The following CACNA1H variants were observed in gnomAD, a reference collection of about 807,000 sequenced individuals.
The protein encoded by CACNA1H is calcium voltage-gated channel subunit alpha1 H.
Under a neutral mutation model 192.5 loss-of-function variants are expected in CACNA1H, and 149 were observed. The observed-to-expected ratio is 0.77, with a 90% confidence interval of 0.68 to 0.89. CACNA1H has a LOEUF of 0.89. CACNA1H is among the 40% of genes least tolerant of loss of function. The pLI, the probability that CACNA1H is intolerant of heterozygous loss-of-function variation, is 0.00. For missense variants in CACNA1H, 4,257 were observed against 3,423.5 expected, an observed-to-expected ratio of 1.24 and a Z score of -6.08; for synonymous variants, 2,202 against 1,475.2, an observed-to-expected ratio of 1.49 and a Z score of -11.29.
At chr16:1,208,963 T>G in intron 16 of CACNA1H, 69 bp from the exon 17 acceptor site, 1 of 1,366,424 alleles carries the variant, frequency 7.3e-7, no homozygotes, top group Non-Finnish European at 9.5e-7. Context: ...ACACAGTGGG[T>G]GCTCCGTAAT....
chr16:1,180,100 C>A lies in CACNA1H; in HGVS notation c.300-14872C>A, dbSNP rs982314670. Among the ~76,000 whole-genome samples the A allele has an allele frequency of 2.0e-5, 3 of 152,196 alleles. No homozygotes were observed. The highest frequency in any genetic ancestry group is 4.8e-5 in the African/African-American group (2 of 41,450). On this transcript the variant is annotated intron_variant, in intron 2 of 34. Coordinates refer to ENST00000348261, the MANE Select transcript of CACNA1H (RefSeq NM_021098.3). This position sits in a 1 kb window ranked among gnomAD's most constrained non-coding sequence, Gnocchi z 4.4. ...CTGAGGGGGCCGGGCTCTGCAGGCA[C>A]AGGGCTGAGGGGCGTCGTGTGGATG...
chr16:1,189,974 T>C (rs893828527), intron 2 of CACNA1H, among the ~76,000 whole-genome samples: 9 of 152,220 alleles, frequency 5.9e-5, no homozygotes, highest in Admixed American at 1.3e-4. Flanking sequence ...CCCCACAACC[T>C]TGGTCTGTCA....
At chr16:1,191,279 A>C (rs62012321) in intron 2 of CACNA1H, among the ~76,000 whole-genome samples, 27 of 89,358 alleles carry the variant, frequency 3.0e-4, no homozygotes, top group African/African-American at 1.7e-3. Context: ...GTGTGGCCTC[A>C]GGCACACTCG....
chr16:1,214,844 G>C, intron 27 of CACNA1H, 128 bp from the exon 28 acceptor site: 1 of 660,164 alleles, frequency 1.5e-6, no homozygotes, highest in South Asian at 1.7e-5. Flanking sequence ...GCCCAGGGAG[G>C]AGCTACTGAG....
chr16:1,171,997 C>A (rs1964413926), intron 2 of CACNA1H, among the ~76,000 whole-genome samples: 1 of 152,216 alleles, frequency 6.6e-6, no homozygotes, highest in Non-Finnish European at 1.5e-5. Flanking sequence ...CGCGTGGGCC[C>A]CCCGCCAGGT....
Position 1,204,046 on chromosome 16 carries a change from G to T in CACNA1H, c.2039G>T (p.Ser680Ile). Residue 680 changes from serine to isoleucine, a missense_variant, in exon 10 of 35, where the codon AGT becomes ATT. Transcript: ENST00000348261. The stretch of plus-strand genomic sequence containing the variant: ...GCCCCTGGCCATCTGTCGGGCCTCA[G>T]TGTGCCCTGCCCCCTGCCCAGCCCC... ...GQAPGHLSGL[S>I]VPCPLPSPPA... The T allele has an allele frequency of 6.3e-7, 1 of 1,583,662 alleles. No individual in the cohort carries two copies. Among genetic ancestry groups the T allele is most frequent in the Non-Finnish European group, 8.6e-7 (1 of 1,165,862 alleles).
intron 2 of CACNA1H, among the ~76,000 whole-genome samples, chr16:1,174,830 C>T (rs1285817294): frequency 6.6e-6 from 1 of 152,202 alleles, no homozygotes; most frequent in Non-Finnish European, 1.5e-5. Context: ...GTTGGCGTGG[C>T]CCTGGCCTCG....
chr16:1,163,721 C>T (rs1025672859), intron 2 of CACNA1H, among the ~76,000 whole-genome samples: 14 of 152,224 alleles, frequency 9.2e-5, no homozygotes, highest in Non-Finnish European at 2.9e-5. Flanking sequence ...GCTTAGGGTA[C>T]TGCCTTGGCT....
rs200832286 is a variant in CACNA1H, at chr16:1,208,220, C to G, written c.3362C>G (p.Pro1121Arg). ...CCGCCACTGGGAGACCAGAAGCCTC[C>G]GGTAGGGACCATCTCCTGCCCCAGC... ...GDPPLGDQKPPASLRSSPCAP... is the reference protein window; with the variant it reads ...GDPPLGDQKPRASLRSSPCAP... Residue 1121 changes from proline to arginine, a missense_variant and splice_region_variant, in exon 16 of 35, where the codon CCG (proline) becomes CGG (arginine). Physicochemically the swap from Pro to Arg is moderately radical, Grantham distance 103. Coordinates refer to ENST00000348261, the MANE Select transcript of CACNA1H (RefSeq NM_021098.3). 7.7e-6 allele frequency: 12 copies of G among 1,555,510 alleles called. No homozygotes were observed. The highest frequency in any genetic ancestry group is 1.0e-5 in the Non-Finnish European group (12 of 1,152,572).
chr16:1,201,099 G>T (rs1315907974), intron 8 of CACNA1H, among the ~76,000 whole-genome samples: 1 of 152,150 alleles, frequency 6.6e-6, no homozygotes, highest in Non-Finnish European at 1.5e-5. Context: ...GGGCGTGTGT[G>T]GCCCCAGGTG....
chr16:1,162,415 C>T (rs970993915), intron 2 of CACNA1H, among the ~76,000 whole-genome samples: 2 of 152,194 alleles, frequency 1.3e-5, no homozygotes, highest in Non-Finnish European at 2.9e-5. Context: ...GCAGGAGGTG[C>T]TTGACGCAGT....
chr16:1,156,818 G>A (rs1308837507), intron 2 of CACNA1H, among the ~76,000 whole-genome samples: 2 of 152,132 alleles, frequency 1.3e-5, no homozygotes, highest in East Asian at 1.9e-4. Flanking sequence ...GTTTATCCCT[G>A]AACCTCTCCT....
In CACNA1H at chr16:1,206,138, T is replaced by A; in HGVS notation, c.2638T>A (p.Leu880Met). 6.3e-7 allele frequency: 1 copy of A among 1,586,286 alleles called. No individual in the cohort carries two copies. Among genetic ancestry groups the A allele is most frequent in the South Asian group, 1.2e-5 (1 of 86,500 alleles). Residue 880 changes from leucine (L) to methionine (M), a missense_variant, in exon 12 of 35, where the codon TTG (leucine) becomes ATG (methionine). Physicochemically the swap from Leu to Met is conservative, Grantham distance 15. Transcript: ENST00000348261. ...GATCGTGGGGCAGGCGGACGGTGGC[T>A]TGTCTGTGCTGCGCACCTTCCGGCT... ...WEIVGQADGG[L>M]SVLRTFRLLR...
At position 1,220,631 on chromosome 16, in the gene CACNA1H, G is replaced by T; in HGVS notation, c.6699G>T (p.Glu2233Asp). The change falls in exon 35 of 35, where the codon GAG becomes GAT. Residue 2233 changes from glutamate to aspartate, a missense_variant. Coordinates refer to ENST00000348261, the MANE Select transcript of CACNA1H (RefSeq NM_021098.3). The stretch of plus-strand genomic sequence containing the variant: ...CCACGCCTCACAGGGACTCCCTGGA[G>T]CCCACAGAGGGCTCAGGCGCCGGGG... The part of the protein sequence containing the change: ...CEATPHRDSL[E>D]PTEGSGAGGD... 6.3e-7 allele frequency: 1 copy of T among 1,597,738 alleles called. No homozygotes were observed. The highest frequency in any genetic ancestry group is 1.1e-5 in the South Asian group (1 of 89,858).
At chr16:1,201,020 G>C (rs755157991) in intron 8 of CACNA1H, among the ~76,000 whole-genome samples, 2 of 152,120 alleles carry the variant, frequency 1.3e-5, no homozygotes, top group Non-Finnish European at 2.9e-5. Context: ...AGGCCTGTGG[G>C]TGCTGGCTCA....
chr16:1,215,622 C>T (rs747553068), intron 30 of CACNA1H, 29 bp downstream of exon 30: 1 of 1,591,656 alleles, frequency 6.3e-7, no homozygotes, highest in Non-Finnish European at 8.6e-7. Context: ...ATCCTCAGCG[C>T]AGGCCCCCGG....
chr16:1,209,976 C>T (rs1567536733), intron 17 of CACNA1H, 59 bp from the exon 18 acceptor site: 3 of 1,344,758 alleles, frequency 2.2e-6, no homozygotes, highest in South Asian at 1.3e-5. Context: ...ACAGAGGGCC[C>T]TGATGGGGGG....
At chr16:1,154,445 G>A (rs1300434312) in intron 2 of CACNA1H, among the ~76,000 whole-genome samples, 1 of 152,138 alleles carries the variant, frequency 6.6e-6, no homozygotes, top group Non-Finnish European at 1.5e-5. Flanking sequence ...CAGGCCCCTC[G>A]CGGGGGAGGG....
chr16:1,197,351 C>T (rs987495333), intron 5 of CACNA1H, among the ~76,000 whole-genome samples: 2 of 152,350 alleles, frequency 1.3e-5, no homozygotes, highest in African/African-American at 2.4e-5. Flanking sequence ...GTCTGCACGC[C>T]GGCCTGGCCC....
Sources: gnomAD v4.1 joint callset for allele counts (sites outside exome capture counted in the v4.1 genomes callset) on GRCh38, gnomAD v4.1.1 for gene constraint, Gnocchi (gnomAD v3.1) non-coding constraint, MANE v1.5 for transcripts, NCBI Gene and HGNC (gene_info 2026-07-23, HGNC 2026-07-21) for gene names.